TOGARAM2: variants seen among roughly 807,000 people sequenced by gnomAD.
TOGARAM2 encodes the protein TOG array regulator of axonemal microtubules 2.
A neutral mutation model predicts 93.3 loss-of-function variants in TOGARAM2; 85 were observed. The observed-to-expected ratio is 0.91, with a 90% CI of 0.76 to 1.09. The LOEUF is 1.09. TOGARAM2 is among the 50% of genes least tolerant of loss of function. TOGARAM2 has a pLI of 0.00. For synonymous variants in TOGARAM2, 593 were observed against 552.8 expected (o/e 1.07, Z -1.02); for missense variants, 1,277 against 1,334.5 (o/e 0.96, Z 0.67).
chr2:28,999,446 G>A lies in TOGARAM2; in HGVS notation c.405G>A (p.Glu135=), dbSNP rs13009745. The change falls in exon 4 of 20, where the codon GAG becomes GAA. Residue 135 remains glutamate, a synonymous_variant. Transcript: ENST00000379558. The part of the protein sequence containing the change: ...KDKLKKRRLS[E]GLAASSRASL... The stretch of plus-strand genomic sequence containing the variant: ...AGCTCAAGAAAAGGAGGCTCTCAGA[G>A]GGCTTGGCAGCGTCTTCCCGAGGTG... 2 of 1,609,984 alleles carry A rather than the reference G, an allele frequency of 1.2e-6. No homozygotes were observed. Among genetic ancestry groups the A allele is most frequent in the Non-Finnish European group, 8.5e-7 (1 of 1,177,660 alleles).
chr2:29,007,535 C>T (rs1007784655), intron 6 of TOGARAM2, among the ~76,000 whole-genome samples: 5 of 152,110 alleles, frequency 3.3e-5, no homozygotes, highest in South Asian at 2.1e-4. Context: ...TTTGTACTTC[C>T]GCTTCCTTCT....
rs1664430122 is a variant in TOGARAM2 at position 29,014,442 on chromosome 2, A to C, written c.925A>C (p.Lys309Gln). 1 of 1,609,354 alleles carries C rather than the reference A, an allele frequency of 6.2e-7. No homozygotes were observed. Among genetic ancestry groups the C allele is most frequent in the Non-Finnish European group, 8.5e-7 (1 of 1,178,100 alleles). ...CATCAGAGACAGGCCTGCCGCTGCC[A>C]AGAAGCCTGCCCTGCCTTTTTCTCA... ...SPIRDRPAAA[K>Q]KPALPFSQSA... Residue 309 changes from lysine to glutamine, a missense_variant, in exon 8 of 20, where the codon AAG (lysine) becomes CAG (glutamine). Lys to Gln is a moderately conservative substitution (Grantham distance 53). Transcript: ENST00000379558.
Position 29,022,304 on chromosome 2 carries a change from G to A in TOGARAM2, c.1507G>A (p.Asp503Asn). Residue 503 changes from aspartate to asparagine, a missense_variant, in exon 11 of 20, where the codon GAC becomes AAC. By Grantham distance (23) the Asp-to-Asn change is conservative. Transcript: ENST00000379558. ...RDALQCLNSS[D>N]WQMKEKGLVS... ...TGCACTCCAGTGCCTCAACAGCAGT[G>A]ACTGGTGAGGAGATGCTTCCACCAC... The A allele has an allele frequency of 6.2e-7, 1 of 1,613,896 alleles. No homozygotes were observed. Among genetic ancestry groups the A allele is most frequent in the Non-Finnish European group, 8.5e-7 (1 of 1,179,842 alleles).
At chr2:29,027,072 C>T (rs1665432722) in intron 14 of TOGARAM2, 61 bp downstream of exon 14, 3 of 1,449,526 alleles carry the variant, frequency 2.1e-6, no homozygotes, top group Admixed American at 2.6e-5. Context: ...CCCTGAGGGG[C>T]CTGGGGCACA....
chr2:29,005,988 TGTGTAGGGTGTG>T (rs1663760184), intron 6 of TOGARAM2, among the ~76,000 whole-genome samples: 3 of 119,698 alleles, frequency 2.5e-5, no homozygotes, highest in African/African-American at 5.8e-5. Flanking sequence ...TATGAGTGCA[TGTGTAGGGTGTG>T]TATGTGTGCG....
At chr2:28,973,731 T>C (rs1244525355) in intron 1 of TOGARAM2, among the ~76,000 whole-genome samples, 1 of 152,096 alleles carries the variant, frequency 6.6e-6, no homozygotes, top group East Asian at 1.9e-4. Flanking sequence ...TCTCATTATG[T>C]TGCCCAGGCT....
intron 4 of TOGARAM2, among the ~76,000 whole-genome samples, chr2:29,001,558 T>C (rs1252553505): frequency 1.3e-5 from 2 of 151,602 alleles, no homozygotes; most frequent in Admixed American, 1.3e-4. Flanking sequence ...TAGAGTGCAG[T>C]GGTGCGATCT....
At chr2:29,048,630 A>G (rs1286778885) in intron 19 of TOGARAM2, 2 of 150,218 alleles carry the variant, frequency 1.3e-5, no homozygotes, top group East Asian at 3.9e-4. Flanking sequence ...ACACAGCAGA[A>G]TGTCCTCAAG....
intron 6 of TOGARAM2, 59 bp from the exon 7 acceptor site, chr2:29,011,396 C>T (rs1664236457): frequency 1.3e-6 from 2 of 1,566,146 alleles, no homozygotes; most frequent in East Asian, 4.6e-5. Flanking sequence ...TGGGCTCCCC[C>T]AGCAGTGTCT....
At position 28,999,429 on chromosome 2, in the gene TOGARAM2, A is replaced by G. The variant is rs1673166471; in HGVS notation, c.388A>G (p.Lys130Glu). ...DTIQIKDKLK[K>E]RRLSEGLAAS... ...CATCCAGATTAAGGACAAGCTCAAG[A>G]AAAGGAGGCTCTCAGAGGGCTTGGC... is the stretch of plus-strand genomic sequence containing the variant. The change falls in exon 4 of 20, where the codon AAA becomes GAA. Residue 130 changes from lysine to glutamate, a missense_variant. Physicochemically the swap from Lys to Glu is moderately conservative, Grantham distance 56. Coordinates refer to ENST00000379558, the MANE Select transcript of TOGARAM2 (RefSeq NM_199280.4). The G allele has an allele frequency of 1.9e-6, 3 of 1,612,766 alleles. No homozygotes were observed. Among genetic ancestry groups the G allele is most frequent in the Middle Eastern group, 1.6e-4 (1 of 6,082 alleles).
intron 6 of TOGARAM2, 46 bp downstream of exon 6, chr2:29,003,728 G>T: frequency 1.4e-6 from 2 of 1,416,812 alleles, no homozygotes; most frequent in South Asian, 3.1e-5. Flanking sequence ...CTCTCCCTCT[G>T]TCCCCCTGAG....
At chr2:29,000,698 T>A (rs186523446) in intron 4 of TOGARAM2, among the ~76,000 whole-genome samples, 3 of 152,208 alleles carry the variant, frequency 2.0e-5, no homozygotes, top group South Asian at 4.1e-4. Flanking sequence ...GTTCTTCCCC[T>A]CCCCTGTGCA....
Position 29,045,325 on chromosome 2 carries a change from C to T in TOGARAM2, c.2637C>T (p.Asp879=), listed in dbSNP as rs761536449. 7 of 1,612,580 alleles carry T rather than the reference C, an allele frequency of 4.3e-6. No homozygotes were observed. Among genetic ancestry groups the T allele is most frequent in the Non-Finnish European group, 5.9e-6 (7 of 1,179,588 alleles). ...ACTGACATCCCCCTTCTCTTTCAGACAACCTTTGCCTTCTACCAGCGCTTG... is the reference window on the plus strand; with the variant it reads ...ACTGACATCCCCCTTCTCTTTCAGATAACCTTTGCCTTCTACCAGCGCTTG... ...AVLDAMVESL[D]NLCLLPALAG... Residue 879 remains aspartate (D), a splice_region_variant and synonymous_variant, in exon 19 of 20, where the codon GAC becomes GAT. Transcript: ENST00000379558.
chr2:28,968,111 G>A (rs1052914298), intron 1 of TOGARAM2, among the ~76,000 whole-genome samples: 3 of 152,044 alleles, frequency 2.0e-5, no homozygotes, highest in Admixed American at 1.3e-4. Context: ...GAGCCACCAC[G>A]CTGGGCCAAT....
intron 1 of TOGARAM2, among the ~76,000 whole-genome samples, chr2:28,988,893 C>T (rs369188373): frequency 6.6e-6 from 1 of 152,192 alleles, no homozygotes; most frequent in African/African-American, 2.4e-5. Context: ...TCTAACCACT[C>T]TCTGCTCATC....
At chr2:29,050,033 G>A (rs1483340129) in intron 19 of TOGARAM2, 2 of 152,096 alleles carry the variant, frequency 1.3e-5, no homozygotes, top group African/African-American at 4.8e-5. Flanking sequence ...TAGATGATGT[G>A]GTCCTGATGA....
chr2:29,017,560 C>T (rs143775385), intron 9 of TOGARAM2, among the ~76,000 whole-genome samples: 4 of 152,288 alleles, frequency 2.6e-5, no homozygotes, highest in African/African-American at 2.4e-5. Flanking sequence ...ACGTGTGCTA[C>T]CATGCTTGGC....
rs765564770 is a variant in TOGARAM2, at chr2:29,051,997, C to T, written c.2964C>T (p.Asp988=). 6.2e-7 allele frequency: 1 copy of T among 1,613,242 alleles called. No homozygotes were observed. The highest frequency in any genetic ancestry group is 1.3e-5 in the African/African-American group (1 of 74,934). ...HVLKTLQELL[D]SESLGGSRKA... ...TCAAGACGCTCCAGGAACTCTTAGA[C>T]TCAGAGTCCTTGGGAGGCAGCCGCA... is the stretch of plus-strand genomic sequence containing the variant. Residue 988 remains aspartate (D), a synonymous_variant, in exon 20 of 20, where the codon GAC becomes GAT. Coordinates refer to ENST00000379558, the MANE Select transcript of TOGARAM2 (RefSeq NM_199280.4).
chr2:29,045,967 C>G (rs1317297836), intron 19 of TOGARAM2: 1 of 168,488 alleles, frequency 5.9e-6, no homozygotes, highest in African/African-American at 2.4e-5. Context: ...ACAGACCATG[C>G]CTAGTGGGTG....
Sources: gnomAD v4.1 joint callset for allele counts (sites outside exome capture counted in the v4.1 genomes callset) on GRCh38, gnomAD v4.1.1 for gene constraint, MANE v1.5 for transcripts, NCBI Gene and HGNC (gene_info 2026-07-23, HGNC 2026-07-21) for gene names.